ABCA4: variants seen among roughly 807,000 people sequenced by gnomAD.
ABCA4 encodes ATP binding cassette subfamily A member 4.
A neutral mutation model predicts 263.7 loss-of-function variants in ABCA4; 196 were observed. That is an observed-to-expected ratio of 0.74 (90% CI 0.66 to 0.84). The LOEUF is 0.84. Ranked by LOEUF, ABCA4 falls within the 40% of genes least tolerant of loss-of-function variation. ABCA4 has a pLI of 0.00. For missense variants in ABCA4, 2,792 were observed against 2,855.1 expected (o/e 0.98, Z 0.50); for synonymous variants, 1,133 against 1,094.2 (o/e 1.04, Z -0.70).
intron 1 of ABCA4, among the ~76,000 whole-genome samples, chr1:94,119,254 A>C (rs1351920734): frequency 6.6e-6 from 1 of 152,092 alleles, no homozygotes; most frequent in Admixed American, 6.5e-5. Flanking sequence ...GATTACTCTT[A>C]ATACTTGGCC....
intron 1 of ABCA4, 49 bp downstream of exon 1, chr1:94,120,931 G>A: frequency 9.6e-7 from 1 of 1,036,980 alleles, no homozygotes; most frequent in East Asian, 5.2e-5. Flanking sequence ...CTTCCAACCT[G>A]TTTATTTGCT....
At chr1:94,087,984 G>A (rs1283921392) in intron 6 of ABCA4, among the ~76,000 whole-genome samples, 1 of 152,008 alleles carries the variant, frequency 6.6e-6, no homozygotes, top group Non-Finnish European at 1.5e-5. Flanking sequence ...ACCTCTGATC[G>A]CTTATGTCTC....
At chr1:93,998,905 ATTTT>A (rs11370620) in intron 47 of ABCA4, among the ~76,000 whole-genome samples, 10 of 135,822 alleles carry the variant, frequency 7.4e-5, no homozygotes, top group Non-Finnish European at 1.3e-4. Context: ...CACTCGGCTA[ATTTT>A]TTTTTTTTTT....
intron 6 of ABCA4, among the ~76,000 whole-genome samples, chr1:94,095,988 GC>G (rs1662116681): frequency 1.3e-5 from 2 of 152,086 alleles, no homozygotes; most frequent in East Asian, 3.9e-4. Flanking sequence ...AGGCTCTGTC[GC>G]TCACCAGCTT....
chr1:93,997,728 AC>A, intron 48 of ABCA4, 132 bp downstream of exon 48: 1 of 1,169,364 alleles, frequency 8.6e-7, no homozygotes, highest in Non-Finnish European at 1.2e-6. Flanking sequence ...ATCAGCTTTT[AC>A]CCCAATAAAC....
At chr1:94,026,875 G>A (rs904874530) in intron 30 of ABCA4, among the ~76,000 whole-genome samples, 1 of 152,136 alleles carries the variant, frequency 6.6e-6, no homozygotes, top group Admixed American at 6.5e-5. Flanking sequence ...GAGGGATTGT[G>A]TTTGAGTGGC....
intron 41 of ABCA4, 106 bp from the exon 42 acceptor site, chr1:94,008,403 TAGG>T (rs1371536455): frequency 5.2e-6 from 6 of 1,160,786 alleles, no homozygotes; most frequent in Non-Finnish European, 7.7e-6. Context: ...CTACCAGCAC[TAGG>T]AGGTTACATA....
chr1:94,068,197 G>A (rs1661322131), intron 11 of ABCA4, among the ~76,000 whole-genome samples: 1 of 152,126 alleles, frequency 6.6e-6, no homozygotes, highest in Non-Finnish European at 1.5e-5. Context: ...GAGGGCGTGG[G>A]GCCTCACACA....
chr1:94,091,736 A>T (rs1661974044), intron 6 of ABCA4, among the ~76,000 whole-genome samples: 1 of 152,156 alleles, frequency 6.6e-6, no homozygotes, highest in Non-Finnish European at 1.5e-5. Flanking sequence ...GTCAGACTAG[A>T]CCTCTAAGGA....
chr1:94,054,674 G>T (rs192919842), intron 16 of ABCA4, among the ~76,000 whole-genome samples: 2 of 152,164 alleles, frequency 1.3e-5, no homozygotes, highest in African/African-American at 4.8e-5. Context: ...AGGGAAAATC[G>T]TAAGATGAAG....
intron 1 of ABCA4, among the ~76,000 whole-genome samples, chr1:94,117,002 C>CTTTCTT (rs776546760): frequency 9.0e-6 from 1 of 110,516 alleles, no homozygotes; most frequent in Non-Finnish European, 1.9e-5. Context: ...TTCTTTCTTT[C>CTTTCTT]TTTCTTTCTT....
At chr1:93,997,520 T>G (rs1272652901) in intron 48 of ABCA4, among the ~76,000 whole-genome samples, 2 of 151,852 alleles carry the variant, frequency 1.3e-5, no homozygotes, top group East Asian at 3.9e-4. Flanking sequence ...TCCTCCTGCC[T>G]TGGCCTCCCA....
chr1:94,100,165 C>T (rs906738975), intron 5 of ABCA4, among the ~76,000 whole-genome samples: 1 of 152,174 alleles, frequency 6.6e-6, no homozygotes, highest in Non-Finnish European at 1.5e-5. Flanking sequence ...GGTCCCCACA[C>T]GAGGCACAGG....
intron 26 of ABCA4, among the ~76,000 whole-genome samples, chr1:94,035,088 C>T (rs1479865116): frequency 6.6e-6 from 1 of 152,216 alleles, no homozygotes; most frequent in African/African-American, 2.4e-5. Context: ...ACCCACTCCC[C>T]TTGACTGTAT....
At position 93,998,100 on chromosome 1, in the gene ABCA4, C is replaced by T. The variant is rs1395925042; in HGVS notation, c.6490G>A (p.Gly2164Ser). ...TTGATCTTCATTGTGACGATATAGC[C>T]ATCTCCAAATCTAGGGGATGCACAC... ...IQHLKSKFGD[G>S]YIVTMKIKSP... The change falls in exon 48 of 50, where the codon GGC becomes AGC. Residue 2164 changes from glycine (G) to serine (S), a missense_variant. By Grantham distance (56) the Gly-to-Ser change is moderately conservative. Transcript: ENST00000370225. 2 of 1,614,170 alleles carry T rather than the reference C, an allele frequency of 1.2e-6. No individual in the cohort carries two copies. Among genetic ancestry groups the T allele is most frequent in the Admixed American group, 3.3e-5 (2 of 60,032 alleles).
At chr1:94,010,710 C>A (rs1460287636) in intron 40 of ABCA4, 90 bp downstream of exon 40, 2 of 1,579,518 alleles carry the variant, frequency 1.3e-6, no homozygotes, top group South Asian at 1.1e-5. Flanking sequence ...TGGAGTGGGG[C>A]TCCTGAGGAA....
intron 11 of ABCA4, among the ~76,000 whole-genome samples, chr1:94,065,019 T>C (rs72960406): frequency 0.012 from 1,848 of 152,154 alleles, 33 homozygotes; most frequent in African/African-American, 0.042. Context: ...TATCTGTGAG[T>C]TACCTGGAAT....
chr1:94,091,916 C>T (rs928665273), intron 6 of ABCA4, among the ~76,000 whole-genome samples: 3 of 152,202 alleles, frequency 2.0e-5, no homozygotes, highest in African/African-American at 7.2e-5. Context: ...CCATGTCTCT[C>T]CCTTGGGACT....
chr1:94,006,342 G>A lies in ABCA4; in HGVS notation c.6006-760C>T, dbSNP rs562364960. On this transcript the variant is annotated intron_variant, in intron 43 of 49. Coordinates refer to ENST00000370225, the MANE Select transcript of ABCA4 (RefSeq NM_000350.3). Reference sequence around the variant, plus strand: ...AGTAGGGTACGTTTCCAAATTAGTGGGAGCTACCCTACCATATAATCCCAA... The same window carrying A: ...AGTAGGGTACGTTTCCAAATTAGTGAGAGCTACCCTACCATATAATCCCAA... Among the ~76,000 whole-genome samples the A allele has an allele frequency of 5.2e-4, 79 of 152,226 alleles. 1 individual carries two copies. The highest frequency in any genetic ancestry group is 1.8e-3 in the African/African-American group (76 of 41,528).
Sources: allele counts gnomAD v4.1 joint callset (sites outside exome capture counted in the v4.1 genomes callset), GRCh38; gene constraint gnomAD v4.1.1; transcripts MANE v1.5; gene names NCBI Gene and HGNC (gene_info 2026-07-23, HGNC 2026-07-21).